The following LIMA1 variants were observed in gnomAD, a reference collection of about 807,000 sequenced individuals.
The protein encoded by LIMA1 is LIM domain and actin binding 1.
In LIMA1, 52 loss-of-function variants were observed where a neutral mutation model predicts 62.6. That is an observed-to-expected ratio of 0.83 (90% CI 0.67 to 1.05). The LOEUF (loss-of-function observed/expected upper bound fraction) is 1.05, where lower values mean the gene tolerates loss of function less well. LIMA1 is among the 50% of genes least tolerant of loss of function. The pLI, the probability that LIMA1 is intolerant of heterozygous loss-of-function variation, is 0.00. For missense variants in LIMA1, 780 were observed against 902.2 expected (o/e 0.86, Z 1.74); for synonymous variants, 302 against 317.8 (o/e 0.95, Z 0.53).
At chr12:50,209,930 T>C (rs1592522280) in intron 4 of LIMA1, among the ~76,000 whole-genome samples, 1 of 152,154 alleles carries the variant, frequency 6.6e-6, no homozygotes, top group African/African-American at 2.4e-5. Flanking sequence ...CCCAAAGTGC[T>C]GGGATGACAG....
intron 1 of LIMA1, among the ~76,000 whole-genome samples, chr12:50,263,905 A>G (rs1177769401): frequency 6.4e-5 from 4 of 62,864 alleles, no homozygotes; most frequent in Non-Finnish European, 1.0e-4. Flanking sequence ...TAAAGTATGT[A>G]TATATATATA....
chr12:50,234,204 G>C, intron 2 of LIMA1: 1 of 417,752 alleles, frequency 2.4e-6, no homozygotes, highest in Non-Finnish European at 4.7e-6. Context: ...AGACCACCCA[G>C]AACAACCTTT....
At chr12:50,257,616 G>C (rs146490497) in intron 1 of LIMA1, among the ~76,000 whole-genome samples, 2 of 152,142 alleles carry the variant, frequency 1.3e-5, no homozygotes. Flanking sequence ...TAAATACAAA[G>C]GGCTGTGGAA....
intron 6 of LIMA1, chr12:50,201,103 G>C: frequency 3.0e-6 from 4 of 1,315,452 alleles, no homozygotes; most frequent in Non-Finnish European, 3.9e-6. Flanking sequence ...CTGTATGCTA[G>C]TGTAAAACTG....
chr12:50,182,447 T>C (rs1341997710), intron 9 of LIMA1, among the ~76,000 whole-genome samples: 1 of 152,030 alleles, frequency 6.6e-6, no homozygotes, highest in Non-Finnish European at 1.5e-5. Context: ...ACAAGACAGA[T>C]TCTAAAGGGG....
intron 1 of LIMA1, among the ~76,000 whole-genome samples, chr12:50,277,391 A>G (rs1942288952): frequency 1.3e-5 from 2 of 152,186 alleles, no homozygotes; most frequent in Middle Eastern, 3.4e-3. Context: ...CAGGCTCTAT[A>G]TATCTAAAAT....
intron 1 of LIMA1, among the ~76,000 whole-genome samples, chr12:50,263,812 T>A (rs1942100574): frequency 1.4e-5 from 2 of 141,290 alleles, no homozygotes; most frequent in Admixed American, 7.4e-5. Context: ...TGTGTGTGTG[T>A]GTCTATATAT....
chr12:50,193,545 ACATATATAT>A (rs1232967283), intron 8 of LIMA1, among the ~76,000 whole-genome samples: 5 of 137,990 alleles, frequency 3.6e-5, no homozygotes, highest in Admixed American at 7.4e-5. Flanking sequence ...ATATATATAT[ACATATATAT>A]CATATATGTA....
At chr12:50,206,415 T>C (rs892700709) in intron 4 of LIMA1, among the ~76,000 whole-genome samples, 14 of 152,194 alleles carry the variant, frequency 9.2e-5, no homozygotes, top group Non-Finnish European at 1.8e-4. Context: ...CTCCGTCTCA[T>C]GTTATTTCTG....
intron 4 of LIMA1, among the ~76,000 whole-genome samples, chr12:50,210,418 C>CAAAAAAAAAAAAAAAAAAAA (rs769288381): frequency 1.1e-5 from 1 of 90,858 alleles, no homozygotes; most frequent in South Asian, 3.6e-4. Context: ...ACCCCATTTC[C>CAAAAAAAAAAAAAAAAAAAA]AAAAAAAAAA....
At chr12:50,190,584 T>A (rs112212155) in intron 9 of LIMA1, among the ~76,000 whole-genome samples, 2,045 of 148,204 alleles carry the variant, frequency 0.014, 56 homozygotes, top group African/African-American at 0.048. Context: ...TTCTCCATGT[T>A]GTTCAGGCTG....
intron 1 of LIMA1, among the ~76,000 whole-genome samples, chr12:50,275,017 ATTATAT>A: frequency 6.6e-6 from 1 of 152,154 alleles, no homozygotes; most frequent in African/African-American, 2.4e-5. Context: ...GCCAAACATT[ATTATAT>A]AAAAGTGTGT....
In LIMA1 at chr12:50,192,538, C is replaced by A. The variant is rs1011155496; in HGVS notation, c.1054G>T (p.Val352Phe). The change falls in exon 9 of 11, where the codon GTT (valine) becomes TTT (phenylalanine). Residue 352 changes from valine (V) to phenylalanine (F), a missense_variant. Physicochemically the swap from Val to Phe is conservative, Grantham distance 50 (BLOSUM62 -1). Transcript: ENST00000341247. ...GGCTTGGGATGGACAGGCTGTTGAA[C>A]CTCACTCTTAACCTGGGAGTCACCT... is the stretch of plus-strand genomic sequence containing the variant. ...DSRDSQVKSEVQQPVHPKPLS... is the reference protein window; with the variant it reads ...DSRDSQVKSEFQQPVHPKPLS... 7 of 1,613,704 alleles carry A rather than the reference C, an allele frequency of 4.3e-6. No homozygotes were observed. Among genetic ancestry groups the A allele is most frequent in the African/African-American group, 1.3e-5 (1 of 74,908 alleles).
At chr12:50,280,625 T>A (rs2138720595) in intron 1 of LIMA1, among the ~76,000 whole-genome samples, 1 of 152,316 alleles carries the variant, frequency 6.6e-6, no homozygotes, top group South Asian at 2.1e-4. Context: ...TAGGTCAAAC[T>A]CCATCCTTTT....
At chr12:50,219,577 G>A (rs1334981072) in intron 4 of LIMA1, 1 of 152,154 alleles carries the variant, frequency 6.6e-6, no homozygotes, top group Non-Finnish European at 1.5e-5. Context: ...ACCAAGGGTG[G>A]CTGTGTTTTC....
intron 4 of LIMA1, among the ~76,000 whole-genome samples, chr12:50,212,708 C>T (rs991386155): frequency 1.3e-5 from 2 of 152,040 alleles, no homozygotes; most frequent in African/African-American, 2.4e-5. Flanking sequence ...TTATATTGTA[C>T]TAGTGGTGTT....
intron 2 of LIMA1, among the ~76,000 whole-genome samples, chr12:50,232,153 G>A (rs1427783596): frequency 6.9e-6 from 1 of 144,594 alleles, no homozygotes; most frequent in East Asian, 2.1e-4. Flanking sequence ...TTGACCTCCC[G>A]GGCTCAAGCA....
At chr12:50,191,681 C>T (rs1200368114) in intron 9 of LIMA1, among the ~76,000 whole-genome samples, 13 of 151,638 alleles carry the variant, frequency 8.6e-5, no homozygotes, top group Non-Finnish European at 1.9e-4. Flanking sequence ...GTTAGCCGGG[C>T]GTAGTGGCAG....
In LIMA1 at chr12:50,261,042, A is replaced by ATATATTTTTTTTT. The variant is rs1383547189; in HGVS notation, c.-23-12269_-23-12268insAAAAAAAAATATA. 1.3e-3 allele frequency among the ~76,000 whole-genome samples: 72 copies of ATATATTTTTTTTT among 54,298 alleles called. 1 individual carries two copies. The highest frequency in any genetic ancestry group is 1.9e-3 in the African/African-American group (27 of 13,954). The allele number at this position is 54,298 out of a possible 152,430, so 35.6% of individuals were successfully genotyped here. A position where few individuals can be genotyped will look rare whatever the true frequency, so the allele number is the denominator to read the frequency against. Reference sequence around the variant, plus strand: ...CTTTTGCTTTTCTGCCATCTAGTATATTTTTTTTTTTTTTTTTTTTTTTTT... The same window carrying ATATATTTTTTTTT: ...CTTTTGCTTTTCTGCCATCTAGTATATATATTTTTTTTTTTTTTTTTTTTTTTTTTTTTTTTTT... On this transcript the variant is annotated intron_variant, in intron 1 of 10. Coordinates refer to ENST00000341247, the MANE Select transcript of LIMA1 (RefSeq NM_016357.5).
Sources: gnomAD v4.1 joint callset for allele counts (sites outside exome capture counted in the v4.1 genomes callset) on GRCh38, gnomAD v4.1.1 for gene constraint, MANE v1.5 for transcripts, NCBI Gene and HGNC (gene_info 2026-07-23, HGNC 2026-07-21) for gene names.